Variants in TPI1 observed in about 807,000 individuals in gnomAD.
TPI1 encodes triosephosphate isomerase.
In TPI1, 11 loss-of-function variants were observed where a neutral mutation model predicts 31.0. The observed-to-expected ratio is 0.36, with a 90% CI of 0.22 to 0.59. The LOEUF is 0.59. Ranked by LOEUF, TPI1 falls within the 20% of genes least tolerant of loss-of-function variation. The pLI is 0.79. For missense variants in TPI1, 245 were observed against 319.7 expected (o/e 0.77, Z 1.78); for synonymous variants, 121 against 122.8 (o/e 0.99, Z 0.10).
intron 2 of TPI1, 38 bp downstream of exon 2, chr12:6,869,025 C>T (rs1555132097): frequency 6.2e-7 from 1 of 1,614,102 alleles, no homozygotes; most frequent in East Asian, 2.2e-5. Context: ...GGGACCCTTC[C>T]CTCACTTTCC....
rs532280263 is a variant in TPI1 at position 6,868,086 on chromosome 12, C to A, written c.115+405C>A. Reference sequence around the variant, plus strand: ...CCTGGCCTCCCGCGCCGTGCGCCGCCGCACGTAGCCCCAGACTCCTCCCCT... The same window carrying A: ...CCTGGCCTCCCGCGCCGTGCGCCGCAGCACGTAGCCCCAGACTCCTCCCCT... On this transcript the variant is annotated intron_variant, in intron 1 of 6. Coordinates refer to ENST00000396705, the MANE Select transcript of TPI1 (RefSeq NM_000365.6). 2.1e-4 allele frequency: 258 copies of A among 1,237,598 alleles called. 1 individual carries two copies. Among genetic ancestry groups the A allele is most frequent in the Admixed American group, 1.8e-3 (60 of 34,154 alleles). 76.7% of individuals were successfully genotyped at this position (1,237,598 alleles called of 1,614,324 possible).
At chr12:6,869,927 C>A in intron 5 of TPI1, 122 bp from the exon 6 acceptor site, 1 of 1,382,690 alleles carries the variant, frequency 7.2e-7, no homozygotes, top group Non-Finnish European at 1.0e-6. Flanking sequence ...CAGGGCCTGG[C>A]TTGGATCAGA....
intron 1 of TPI1, 175 bp from the exon 2 acceptor site, chr12:6,868,689 A>C (rs933773884): frequency 7.4e-7 from 1 of 1,352,988 alleles, no homozygotes; most frequent in Admixed American, 2.0e-5. Flanking sequence ...AGTTGAGTGC[A>C]GACCCAGCCT....
chr12:6,869,471 T>G, intron 4 of TPI1, 81 bp downstream of exon 4: 1 of 1,601,996 alleles, frequency 6.2e-7, no homozygotes, highest in South Asian at 1.1e-5. Context: ...GGAGCCTGTC[T>G]TGGTCCCCAT....
rs781936323 is a variant in TPI1, at chr12:6,870,300, A to G, written c.667A>G (p.Ser223Gly). Reference sequence around the variant, plus strand: ...TGGGGCAACCTGCAAGGAGCTGGCCAGCCAGCCTGATGTGGATGGCTTCCT... The same window carrying G: ...TGGGGCAACCTGCAAGGAGCTGGCCGGCCAGCCTGATGTGGATGGCTTCCT... ...VTGATCKELASQPDVDGFLVG... is the reference protein window; with the variant it reads ...VTGATCKELAGQPDVDGFLVG... Residue 223 changes from serine to glycine, a missense_variant, in exon 7 of 7, where the codon AGC becomes GGC. Ser to Gly is a moderately conservative substitution (Grantham distance 56). Around this residue, in one of 3 missense-constraint regions of TPI1, gnomAD observed 127 missense variants for 163.7 expected, o/e 0.78. Coordinates refer to ENST00000396705, the MANE Select transcript of TPI1 (RefSeq NM_000365.6). The G allele has an allele frequency of 1.9e-6, 3 of 1,614,194 alleles. No homozygotes were observed. In the East Asian group the frequency reaches 6.7e-5, roughly 36 times the overall value.
Position 6,870,222 on chromosome 12 carries a change from T to C in TPI1, c.632-43T>C, listed in dbSNP as rs200230028. The C allele has an allele frequency of 1.5e-5, 24 of 1,592,842 alleles. No individual in the cohort carries two copies. In the African/African-American group the frequency reaches 2.8e-4, roughly 19 times the overall value. On this transcript the variant is annotated intron_variant, in intron 6 of 6. Coordinates refer to ENST00000396705, the MANE Select transcript of TPI1 (RefSeq NM_000365.6). ...ACATGGAGGTGGGGATGGGGCAGACTCATCCCATTCTTGACCAAGCCCTTG... is the reference window on the plus strand; with the variant it reads ...ACATGGAGGTGGGGATGGGGCAGACCCATCCCATTCTTGACCAAGCCCTTG...
upstream of TPI1, chr12:6,867,440 G>T: frequency 6.7e-7 from 1 of 1,486,896 alleles, no homozygotes; most frequent in Non-Finnish European, 9.0e-7. Flanking sequence ...CAGGGCTCCG[G>T]GGGACTGGGC....
At chr12:6,870,211 A>G in intron 6 of TPI1, 54 bp from the exon 7 acceptor site, 1 of 1,602,980 alleles carries the variant, frequency 6.2e-7, no homozygotes, top group Non-Finnish European at 8.5e-7. Flanking sequence ...GGAGGTGGGG[A>G]TGGGGCAGAC....
At chr12:6,869,075 C>G in intron 2 of TPI1, 24 bp from the exon 3 acceptor site, 2 of 1,614,152 alleles carry the variant, frequency 1.2e-6, no homozygotes, top group South Asian at 2.2e-5. Context: ...CCCTGCTGAA[C>G]CTTGGCTTCA....
chr12:6,869,896 CTTGTCCA>C, intron 5 of TPI1, 123 bp downstream of exon 5: 1 of 1,414,222 alleles, frequency 7.1e-7, no homozygotes, highest in Non-Finnish European at 1.0e-6. Flanking sequence ...GAGACAGTGA[CTTGTCCA>C]AGGGCATCCA....
chr12:6,870,255 C>G lies in TPI1; in HGVS notation c.632-10C>G, dbSNP rs1944557988. ...TTCTTGACCAAGCCCTTGTTCTGCT[C>G]CCTTCCCAGGCTCTGTGACTGGGGC... is the stretch of plus-strand genomic sequence containing the variant. On this transcript the variant is annotated splice_polypyrimidine_tract_variant and intron_variant, in intron 6 of 6. Transcript: ENST00000396705. 2.5e-6 allele frequency: 4 copies of G among 1,608,034 alleles called. No homozygotes were observed. The highest frequency in any genetic ancestry group is 3.4e-6 in the Non-Finnish European group (4 of 1,174,202).
chr12:6,868,202 C>G, intron 1 of TPI1: 1 of 1,288,048 alleles, frequency 7.8e-7, no homozygotes, highest in Non-Finnish European at 1.0e-6. Flanking sequence ...TGAACGACTC[C>G]CGCCTTCCAC....
In TPI1 at chr12:6,870,092, A is replaced by G. The variant is rs1184094480; in HGVS notation, c.587A>G (p.Asn196Ser). ...HEKLRGWLKS[N>S]VSDAVAQSTR... ...AAGCTCCGAGGATGGCTGAAGTCCA[A>G]CGTCTCTGATGCGGTGGCTCAGAGC... Residue 196 changes from asparagine (N) to serine (S), a missense_variant, in exon 6 of 7, where the codon AAC becomes AGC. Physicochemically the swap from Asn to Ser is conservative, Grantham distance 46. Transcript: ENST00000396705. 3.1e-6 allele frequency: 5 copies of G among 1,614,078 alleles called. No individual in the cohort carries two copies. In the Admixed American group the frequency reaches 5.0e-5, roughly 16 times the overall value.
At position 6,868,675 on chromosome 12, in the gene TPI1, T is replaced by G. The variant is rs1944513302; in HGVS notation, c.116-189T>G. 5 of 1,341,016 alleles carry G rather than the reference T, an allele frequency of 3.7e-6. No individual in the cohort carries two copies. The East Asian group carries it at 1.0e-4, about 27-fold the overall frequency. The allele number at this position is 1,341,016 out of a possible 1,614,324, so 83.1% of individuals were successfully genotyped here. A position where few individuals can be genotyped will look rare whatever the true frequency, so the allele number is the denominator to read the frequency against. On this transcript the variant is annotated intron_variant, in intron 1 of 6. Coordinates refer to ENST00000396705, the MANE Select transcript of TPI1 (RefSeq NM_000365.6). Reference sequence around the variant, plus strand: ...CCTCTCAGGGGTATCTGGAAGGCTCTTCGAGTTGAGTGCAGACCCAGCCTG... The same window carrying G: ...CCTCTCAGGGGTATCTGGAAGGCTCGTCGAGTTGAGTGCAGACCCAGCCTG...
chr12:6,869,836 G>A, intron 5 of TPI1, 63 bp downstream of exon 5: 2 of 1,573,182 alleles, frequency 1.3e-6, no homozygotes, highest in Non-Finnish European at 1.7e-6. Context: ...GACAGACACA[G>A]CCCACATGGG....
chr12:6,870,162 G>A (rs1415960431), intron 6 of TPI1, 26 bp downstream of exon 6: 2 of 1,610,564 alleles, frequency 1.2e-6, no homozygotes, highest in African/African-American at 1.3e-5. Flanking sequence ...TCCCGGCTGA[G>A]GTGGAGTGGG....
At position 6,868,887 on chromosome 12, in the gene TPI1, G is replaced by A. The variant is rs1370310119; in HGVS notation, c.139G>A (p.Ala47Thr). Reference sequence around the variant, plus strand: ...AGAGGTGGTTTGTGCTCCCCCTACTGCCTATATCGACTTCGCCCGGCAGAA... The same window carrying A: ...AGAGGTGGTTTGTGCTCCCCCTACTACCTATATCGACTTCGCCCGGCAGAA... ...DTEVVCAPPT[A>T]YIDFARQKLD... is the part of the protein sequence containing the mutation. Residue 47 changes from alanine (A) to threonine (T), a missense_variant, in exon 2 of 7, where the codon GCC (alanine) becomes ACC (threonine). Physicochemically the swap from Ala to Thr is moderately conservative, Grantham distance 58. Transcript: ENST00000396705. 3.7e-6 allele frequency: 6 copies of A among 1,613,606 alleles called. No homozygotes were observed. The highest frequency in any genetic ancestry group is 2.2e-5 in the East Asian group (1 of 44,896).
chr12:6,868,387 G>A (rs1555131902), intron 1 of TPI1: 1 of 1,288,186 alleles, frequency 7.8e-7, no homozygotes, highest in Non-Finnish European at 1.0e-6. Flanking sequence ...CACCGAAATC[G>A]GAGAGCCGCG....
chr12:6,870,195 G>C (rs1944556632), intron 6 of TPI1, 59 bp downstream of exon 6: 1 of 1,597,770 alleles, frequency 6.3e-7, no homozygotes, highest in East Asian at 2.2e-5. Context: ...CTGAGCCCTC[G>C]GACATGGAGG....
Sources: allele counts gnomAD v4.1 joint callset, GRCh38; gene constraint gnomAD v4.1.1; regional missense constraint gnomAD v4.1.1; transcripts MANE v1.5; gene names NCBI Gene and HGNC (gene_info 2026-07-23, HGNC 2026-07-21).